The following WDR47 variants were observed in gnomAD, a reference collection of about 807,000 sequenced individuals.
The protein encoded by WDR47 is WD repeat-containing protein 47.
In WDR47, 32 loss-of-function variants were observed where a neutral mutation model predicts 97.2. The ratio of observed to expected loss-of-function variants is 0.33; its 90% CI spans 0.25 to 0.44. WDR47 has a LOEUF of 0.44. WDR47 is among the 20% of genes least tolerant of loss of function. WDR47 has a pLI of 1.00. For synonymous variants in WDR47, 375 were observed against 373.5 expected (o/e 1.00, Z -0.05); for missense variants, 782 against 1,102.3 (o/e 0.71, Z 4.11).
chr1:109,041,131 GC>G (rs747013113), intron 1 of WDR47, among the ~76,000 whole-genome samples: 2 of 20,206 alleles, frequency 9.9e-5, no homozygotes, highest in South Asian at 1.7e-3. Context: ...CTCGCCCCCC[GC>G]CCCCGCCCCC....
rs553088687 is a variant in WDR47, at chr1:109,000,775, C to G, written c.1433+1449G>C. 2.0e-5 allele frequency among the ~76,000 whole-genome samples: 3 copies of G among 152,194 alleles called. No homozygotes were observed. In the South Asian group the frequency reaches 6.2e-4, roughly 32 times the overall value. ...TCAATTTCAGGCTCACTGACTTACA[C>G]AACACTCAGAGTTGTCAAGCAGATT... On this transcript the variant is annotated intron_variant, in intron 7 of 14. Coordinates refer to ENST00000369962, the MANE Select transcript of WDR47 (RefSeq NM_001142551.2).
intron 2 of WDR47, among the ~76,000 whole-genome samples, chr1:109,023,120 G>C (rs1322321284): frequency 6.6e-6 from 1 of 151,636 alleles, no homozygotes; most frequent in African/African-American, 2.4e-5. Context: ...GGAGAATGGC[G>C]TGAACCCGGG....
chr1:109,020,547 C>G (rs1661759496), intron 2 of WDR47, among the ~76,000 whole-genome samples: 1 of 152,128 alleles, frequency 6.6e-6, no homozygotes, highest in Non-Finnish European at 1.5e-5. Context: ...CAGGCGTGAG[C>G]CACTGTGCCC....
chr1:109,020,882 C>T (rs1182981210), intron 2 of WDR47, among the ~76,000 whole-genome samples: 2 of 98,624 alleles, frequency 2.0e-5, no homozygotes, highest in Non-Finnish European at 3.9e-5. Flanking sequence ...GCTAGGAACA[C>T]TTCATTTTTT....
intron 5 of WDR47, among the ~76,000 whole-genome samples, chr1:109,006,325 G>A (rs1017894770): frequency 1.3e-5 from 2 of 152,056 alleles, no homozygotes; most frequent in South Asian, 2.1e-4. Flanking sequence ...CCCGGGAGGC[G>A]GAGGTTGTGG....
chr1:109,027,679 A>ACGC (rs1662307410), intron 1 of WDR47, among the ~76,000 whole-genome samples: 1 of 151,926 alleles, frequency 6.6e-6, no homozygotes, highest in Non-Finnish European at 1.5e-5. Context: ...GCCTGCCACC[A>ACGC]CGCCCGGCTA....
intron 12 of WDR47, among the ~76,000 whole-genome samples, chr1:108,982,404 G>A (rs769354875): frequency 6.6e-6 from 1 of 151,384 alleles, no homozygotes; most frequent in African/African-American, 2.4e-5. Flanking sequence ...ATGGTAGCAC[G>A]TGCCTATAGT....
chr1:109,031,990 G>A (rs1159476498), intron 1 of WDR47, among the ~76,000 whole-genome samples: 1 of 135,832 alleles, frequency 7.4e-6, no homozygotes, highest in Admixed American at 8.1e-5. Context: ...TGTAGAGACA[G>A]GATTTCACCA....
chr1:109,021,364 C>T (rs555568518), intron 2 of WDR47, among the ~76,000 whole-genome samples: 2 of 152,004 alleles, frequency 1.3e-5, no homozygotes, highest in African/African-American at 2.4e-5. Flanking sequence ...CTTGCCTCTA[C>T]TAAAAATACA....
intron 11 of WDR47, among the ~76,000 whole-genome samples, chr1:108,983,002 AAAG>A (rs1455991863): frequency 2.0e-5 from 3 of 152,206 alleles, no homozygotes; most frequent in African/African-American, 7.2e-5. Context: ...TCCCAAAGAA[AAAG>A]AAGACAAGTG....
chr1:109,039,056 T>C (rs1429714507), intron 1 of WDR47, among the ~76,000 whole-genome samples: 1 of 152,054 alleles, frequency 6.6e-6, no homozygotes, highest in Non-Finnish European at 1.5e-5. Context: ...TTAAACATAC[T>C]ATATGAAGAA....
chr1:109,029,854 C>T (rs1247376041), intron 1 of WDR47, among the ~76,000 whole-genome samples: 1 of 140,134 alleles, frequency 7.1e-6, no homozygotes, highest in African/African-American at 2.7e-5. Flanking sequence ...CCAGCCTGGG[C>T]AACAGAGAAA....
At chr1:108,976,066 C>A (rs776399533) in intron 13 of WDR47, among the ~76,000 whole-genome samples, 2 of 152,112 alleles carry the variant, frequency 1.3e-5, no homozygotes, top group Non-Finnish European at 2.9e-5. Context: ...GAGTTTTGAA[C>A]TTGTCTCTGT....
intron 1 of WDR47, among the ~76,000 whole-genome samples, chr1:109,039,549 C>A (rs1048667341): frequency 6.6e-6 from 1 of 152,178 alleles, no homozygotes; most frequent in Non-Finnish European, 1.5e-5. Flanking sequence ...CAAGCCACCA[C>A]GCCCAGCCGG....
chr1:108,997,438 A>G (rs35229187), intron 7 of WDR47, among the ~76,000 whole-genome samples: 10,465 of 151,180 alleles, frequency 0.069, 477 homozygotes, highest in Middle Eastern at 0.13. Context: ...CAGAAAAAAA[A>G]AAAAAGAAAA....
In WDR47 at chr1:109,023,536, G is replaced by A; in HGVS notation, c.-9-15C>T. The A allele has an allele frequency of 1.9e-6, 3 of 1,605,242 alleles. No homozygotes were observed. The highest frequency in any genetic ancestry group is 2.6e-6 in the Non-Finnish European group (3 of 1,175,238). Reference sequence around the variant, plus strand: ...ATATTGATAGCCTAAATATGAAACAGAAAAACAATAAAGCTAGTCCTATTG... The same window carrying A: ...ATATTGATAGCCTAAATATGAAACAAAAAAACAATAAAGCTAGTCCTATTG... On this transcript the variant is annotated splice_polypyrimidine_tract_variant and intron_variant, in intron 1 of 14. Coordinates refer to ENST00000369962, the MANE Select transcript of WDR47 (RefSeq NM_001142551.2).
chr1:108,984,149 T>C (rs1363826380), intron 10 of WDR47, among the ~76,000 whole-genome samples: 2 of 152,108 alleles, frequency 1.3e-5, no homozygotes, highest in East Asian at 3.8e-4. Flanking sequence ...GCAGGAGTGA[T>C]GTGGTGGGTG....
intron 12 of WDR47, 152 bp from the exon 13 acceptor site, chr1:108,982,016 A>T: frequency 1.3e-6 from 1 of 776,576 alleles, no homozygotes; most frequent in South Asian, 1.9e-5. Context: ...GGAGCCCAGG[A>T]GTTCGAGGCT....
At chr1:109,041,220 G>A (rs1175138482) in intron 1 of WDR47, among the ~76,000 whole-genome samples, 2 of 150,714 alleles carry the variant, frequency 1.3e-5, no homozygotes, top group African/African-American at 2.4e-5. Context: ...AACCCTTTGA[G>A]TTCCACAACC....
Sources: allele counts gnomAD v4.1 joint callset (sites outside exome capture counted in the v4.1 genomes callset), GRCh38; gene constraint gnomAD v4.1.1; transcripts MANE v1.5; gene names NCBI Gene and HGNC (gene_info 2026-07-23, HGNC 2026-07-21).